The following PSD3 variants were observed in gnomAD, a reference collection of about 807,000 sequenced individuals.
PSD3 encodes the protein PH and SEC7 domain-containing protein 3.
A neutral mutation model predicts 105.5 loss-of-function variants in PSD3; 49 were observed. The ratio of observed to expected loss-of-function variants is 0.46; its 90% CI spans 0.37 to 0.59. The LOEUF (loss-of-function observed/expected upper bound fraction) is 0.59. Ranked by LOEUF, PSD3 falls within the 20% of genes least tolerant of loss-of-function variation. The pLI, the probability that PSD3 is intolerant of heterozygous loss-of-function variation, is 0.00. For synonymous variants in PSD3, 557 were observed against 457.8 expected, an observed-to-expected ratio of 1.22 and a Z score of -2.77; for missense variants, 1,561 against 1,263.8, an observed-to-expected ratio of 1.24 and a Z score of -3.57.
chr8:18,672,518 C>T (rs921626540), intron 9 of PSD3, among the ~76,000 whole-genome samples: 4 of 152,154 alleles, frequency 2.6e-5, no homozygotes, highest in African/African-American at 9.7e-5. Flanking sequence ...CAGTGGATAG[C>T]AGGCTTCAAA....
chr8:18,554,936 G>T (rs1800976232), intron 15 of PSD3, among the ~76,000 whole-genome samples: 1 of 152,126 alleles, frequency 6.6e-6, no homozygotes. Flanking sequence ...ATAAACGTGT[G>T]TTTGGGGAGA....
At chr8:18,947,156 C>T (rs895994412) in intron 1 of PSD3, among the ~76,000 whole-genome samples, 4 of 152,052 alleles carry the variant, frequency 2.6e-5, no homozygotes, top group Non-Finnish European at 5.9e-5. Flanking sequence ...CAGAATGCCT[C>T]TCAAGAGTAG....
intron 4 of PSD3, among the ~76,000 whole-genome samples, chr8:18,838,859 A>G (rs1297299015): frequency 6.7e-6 from 1 of 149,186 alleles, no homozygotes; most frequent in Non-Finnish European, 1.5e-5. Context: ...ATGTTCAAGA[A>G]AAAAGTAAGA....
rs760720996 is a variant in PSD3, at chr8:18,799,249, T to G, written c.2082+46A>C. The G allele has an allele frequency of 2.7e-6, 4 of 1,498,844 alleles. No homozygotes were observed. The East Asian group carries it at 6.8e-5, about 25-fold the overall frequency. The allele number at this position is 1,498,844 out of a possible 1,614,324, so 92.8% of individuals were successfully genotyped here. A position where few individuals can be genotyped will look rare whatever the true frequency, so the allele number is the denominator to read the frequency against. Reference sequence around the variant, plus strand: ...ATGTGTTTGAACATAAAAGCAGAGATAAGCCCGACATGTTTTGGATCTAAG... The same window carrying G: ...ATGTGTTTGAACATAAAAGCAGAGAGAAGCCCGACATGTTTTGGATCTAAG... On this transcript the variant is annotated intron_variant, in intron 8 of 15. Transcript: ENST00000327040.
At chr8:19,017,068 T>C (rs915793311), upstream of PSD3, among the ~76,000 whole-genome samples, 3 of 144,366 alleles carry the variant, frequency 2.1e-5, no homozygotes, top group Non-Finnish European at 4.7e-5. Flanking sequence ...TTTTTTTTTT[T>C]TTGAGACAGT....
chr8:18,960,228 A>C (rs1431644350), intron 1 of PSD3, among the ~76,000 whole-genome samples: 1 of 152,214 alleles, frequency 6.6e-6, no homozygotes, highest in African/African-American at 2.4e-5. Context: ...AACTATATGA[A>C]TTTTGAAAAA....
chr8:18,746,411 ATTC>A (rs1289990338), intron 9 of PSD3, among the ~76,000 whole-genome samples: 1 of 152,098 alleles, frequency 6.6e-6, no homozygotes, highest in Non-Finnish European at 1.5e-5. Context: ...ACGTGTCCTC[ATTC>A]TTCTTCAGTG....
intron 2 of PSD3, among the ~76,000 whole-genome samples, chr8:18,919,495 C>G (rs1820849012): frequency 6.6e-6 from 1 of 151,828 alleles, no homozygotes. Flanking sequence ...ATCAGAATTA[C>G]TGGAGTGAGG....
chr8:18,702,530 G>A (rs1168410859), intron 9 of PSD3, among the ~76,000 whole-genome samples: 1 of 152,148 alleles, frequency 6.6e-6, no homozygotes, highest in Non-Finnish European at 1.5e-5. Flanking sequence ...GGGTAACTGG[G>A]ATATTCATCG....
intron 9 of PSD3, among the ~76,000 whole-genome samples, chr8:18,732,313 TG>T (rs1803819732): frequency 6.6e-6 from 1 of 152,150 alleles, no homozygotes. Flanking sequence ...TAAACAGATA[TG>T]AGAAAAGAAG....
At chr8:18,628,537 T>C (rs376482441) in intron 11 of PSD3, among the ~76,000 whole-genome samples, 18 of 151,968 alleles carry the variant, frequency 1.2e-4, no homozygotes, top group Admixed American at 7.2e-4. Context: ...TTCACACTGA[T>C]AAAACATGAG....
chr8:18,699,267 A>G (rs1300999290), intron 9 of PSD3, among the ~76,000 whole-genome samples: 1 of 152,244 alleles, frequency 6.6e-6, no homozygotes. Flanking sequence ...GAAGATGATG[A>G]TGCCACAAAA....
At chr8:18,988,425 C>T (rs1158557444) in intron 1 of PSD3, among the ~76,000 whole-genome samples, 4 of 152,040 alleles carry the variant, frequency 2.6e-5, no homozygotes, top group Admixed American at 2.6e-4. Flanking sequence ...TAAATAAGCC[C>T]GCAAGTGGAA....
chr8:18,662,911 G>C (rs1319493819), intron 9 of PSD3, among the ~76,000 whole-genome samples: 2 of 152,324 alleles, frequency 1.3e-5, no homozygotes, highest in South Asian at 2.1e-4. Flanking sequence ...AGGAGAGGGA[G>C]TGGGAGCTAC....
intron 14 of PSD3, among the ~76,000 whole-genome samples, chr8:18,570,843 C>CTATTATTAT (rs57603961): frequency 0.15 from 17,702 of 117,018 alleles, 1,194 homozygotes; most frequent in Admixed American, 0.23. Context: ...CTGCTTAAAA[C>CTATTATTAT]TATTATTATT....
At position 18,580,940 on chromosome 8, in the gene PSD3, T is replaced by C. The variant is rs80207364; in HGVS notation, c.2482-5655A>G. Among the ~76,000 whole-genome samples the C allele has an allele frequency of 9.7e-3, 1,481 of 152,282 alleles. 6 individuals carry two copies. The highest frequency in any genetic ancestry group is 0.014 in the Non-Finnish European group (935 of 68,028). On this transcript the variant is annotated intron_variant, in intron 12 of 15. Transcript: ENST00000327040. Reference sequence around the variant, plus strand: ...TTCCATCAATCATCTCTAGGGCAGTTCAGTTTTGTAACAACCAGAACTGGA... The same window carrying C: ...TTCCATCAATCATCTCTAGGGCAGTCCAGTTTTGTAACAACCAGAACTGGA...
chr8:18,998,425 C>T (rs577179791), intron 1 of PSD3, among the ~76,000 whole-genome samples: 5 of 152,076 alleles, frequency 3.3e-5, no homozygotes, highest in Non-Finnish European at 5.9e-5. Flanking sequence ...CGGTGGCTCA[C>T]GCCTGTAATC....
chr8:19,055,441 T>C (rs1171375208), intron 1 of PSD3, among the ~76,000 whole-genome samples: 1 of 152,132 alleles, frequency 6.6e-6, no homozygotes, highest in East Asian at 1.9e-4. Context: ...TTAGTAGAGA[T>C]GGCATTTCAC....
At chr8:18,641,235 A>T (rs1182537699) in intron 10 of PSD3, among the ~76,000 whole-genome samples, 1 of 152,164 alleles carries the variant, frequency 6.6e-6, no homozygotes, top group African/African-American at 2.4e-5. Context: ...CCAGCCTAGA[A>T]GCTAGATGTT....
Sources: gnomAD v4.1 joint callset for allele counts (sites outside exome capture counted in the v4.1 genomes callset) on GRCh38, gnomAD v4.1.1 for gene constraint, MANE v1.5 for transcripts, NCBI Gene and HGNC (gene_info 2026-07-23, HGNC 2026-07-21) for gene names.